The following POLR1D variants were observed in gnomAD, a reference collection of about 807,000 sequenced individuals.
The protein encoded by POLR1D is DNA-directed RNA polymerases I and III subunit RPAC2.
POLR1D carries 8 observed loss-of-function variants against 10.8 expected under a neutral mutation model. The observed-to-expected ratio is 0.74, with a 90% CI of 0.43 to 1.33. The LOEUF (loss-of-function observed/expected upper bound fraction) is 1.33, where lower values mean the gene tolerates loss of function less well. Among genes scored for constraint, POLR1D ranks in the 40% most tolerant of loss-of-function variants. The pLI is 0.01. For synonymous variants in POLR1D, 54 were observed against 57.2 expected (o/e 0.94, Z 0.25); for missense variants, 152 against 161.7 (o/e 0.94, Z 0.32).
At chr13:27,622,253 C>G in intron 1 of POLR1D, 1 of 588,756 alleles carries the variant, frequency 1.7e-6, no homozygotes, top group Non-Finnish European at 3.0e-6. Flanking sequence ...ACCCCCGTTA[C>G]AACAGCAGTG....
At position 27,648,573 on chromosome 13, in the gene POLR1D, C is replaced by T. The variant is rs74517509; in HGVS notation, c.101+120C>T. 1,423 of 662,390 alleles carry T rather than the reference C, an allele frequency of 2.1e-3. 17 individuals are homozygous for T. In the African/African-American group the frequency reaches 0.023, roughly 11 times the overall value. 41.0% of individuals were successfully genotyped at this position (662,390 alleles called of 1,614,324 possible). A position where few individuals can be genotyped will look rare whatever the true frequency, so the allele number is the denominator to read the frequency against. On this transcript the variant is annotated intron_variant, in intron 2 of 2. Coordinates refer to the POLR1D transcript ENST00000399697. ...AACCATGGAAGCAGAGGAAATCTCT[C>T]AGAGACAAGTGTAGAGTAAGACACT...
At chr13:27,665,615 C>T (rs1956407971) in intron 2 of POLR1D, 23 of 1,408,138 alleles carry the variant, frequency 1.6e-5, no homozygotes, top group Middle Eastern at 1.7e-4. Context: ...GTACTAATCA[C>T]GATAGTGGGT....
chr13:27,648,898 T>C (rs1028510028), intron 2 of POLR1D, among the ~76,000 whole-genome samples: 3 of 152,358 alleles, frequency 2.0e-5, no homozygotes, highest in South Asian at 4.1e-4. Flanking sequence ...AGATTACCTT[T>C]GCAGATTATG....
Position 27,623,405 on chromosome 13 carries a change from C to A in POLR1D, c.*155C>A. 6.8e-7 allele frequency: 1 copy of A among 1,463,254 alleles called. No individual in the cohort carries two copies. Among genetic ancestry groups the A allele is most frequent in the South Asian group, 1.3e-5 (1 of 74,920 alleles). 90.6% of individuals were successfully genotyped at this position (1,463,254 alleles called of 1,614,324 possible). A position where few individuals can be genotyped will look rare whatever the true frequency, so the allele number is the denominator to read the frequency against. On this transcript the variant is annotated 3_prime_UTR_variant, in exon 2 of 2. Coordinates refer to ENST00000302979, the MANE Select transcript of POLR1D (RefSeq NM_015972.4). ...CCCCTTGCAGCTGTTGGAATCTCTG[C>A]AAGAACCTCTGTATTCTTCTAATAA...
At chr13:27,625,863 A>C (rs1956003534), downstream of POLR1D, among the ~76,000 whole-genome samples, 1 of 152,184 alleles carries the variant, frequency 6.6e-6, no homozygotes, top group African/African-American at 2.4e-5. Flanking sequence ...CCTGGAGTTA[A>C]CGTGGAGGTC....
chr13:27,641,707 G>A lies in POLR1D; in HGVS notation c.27-6672G>A, dbSNP rs188044078. Among the ~76,000 whole-genome samples, 31 of 152,312 alleles carry A rather than the reference G, an allele frequency of 2.0e-4. No individual in the cohort carries two copies. The Middle Eastern group carries it at 0.01, about 50-fold the overall frequency. ...TGCCCCTCAGTGGGCCTATAAGAAA[G>A]GAGCAGTTACATCTATTGATGTGGA... is the stretch of plus-strand genomic sequence containing the variant. On this transcript the variant is annotated intron_variant, in intron 1 of 2. Coordinates refer to the POLR1D transcript ENST00000399697.
intron 2 of POLR1D, among the ~76,000 whole-genome samples, chr13:27,659,038 A>G (rs1387518322): frequency 6.6e-6 from 1 of 152,068 alleles, no homozygotes; most frequent in East Asian, 1.9e-4. Flanking sequence ...ACTTTTTTTT[A>G]TGCTTTTCTG....
intron 2 of POLR1D, among the ~76,000 whole-genome samples, chr13:27,664,244 G>T (rs749853436): frequency 6.6e-6 from 1 of 152,180 alleles, no homozygotes; most frequent in Non-Finnish European, 1.5e-5. Context: ...CGTAATGCTG[G>T]TGTACCTTTT....
chr13:27,651,066 T>C (rs1378619424), intron 2 of POLR1D: 2 of 152,206 alleles, frequency 1.3e-5, no homozygotes, highest in African/African-American at 4.8e-5. Flanking sequence ...TTAACCCTTA[T>C]ACCACAGAAA....
chr13:27,638,812 A>G (rs1356295493), intron 1 of POLR1D, among the ~76,000 whole-genome samples: 1 of 152,128 alleles, frequency 6.6e-6, no homozygotes, highest in Non-Finnish European at 1.5e-5. Context: ...TAAGAGAGTG[A>G]TTTACAGACA....
rs71083685 is a variant in POLR1D at position 27,652,911 on chromosome 13, CTTTTTTTTTTTT to C, written c.101+4473_101+4484del. On this transcript the variant is annotated intron_variant, in intron 2 of 2. Transcript: ENST00000399697. Reference sequence around the variant, plus strand: ...TTGCCAGAAGTTGCATTTACCATTTCTTTTTTTTTTTTTTTTTTTTTTTTTTGAGACGGAGTC... The same window carrying C: ...TTGCCAGAAGTTGCATTTACCATTTCTTTTTTTTTTTTTTGAGACGGAGTC... 9.0e-5 allele frequency among the ~76,000 whole-genome samples: 8 copies of C among 89,332 alleles called. No individual in the cohort carries two copies. In the South Asian group the frequency reaches 1.2e-3, roughly 13 times the overall value. The allele number at this position is 89,332 out of a possible 152,430, so 58.6% of individuals were successfully genotyped here. A position where few individuals can be genotyped will look rare whatever the true frequency, so the allele number is the denominator to read the frequency against.
intron 1 of POLR1D, among the ~76,000 whole-genome samples, chr13:27,645,793 A>T (rs565213667): frequency 6.6e-6 from 1 of 152,252 alleles, no homozygotes; most frequent in South Asian, 2.1e-4. Flanking sequence ...AGTCTTTCTC[A>T]TACATATATC....
In POLR1D at chr13:27,622,886, G is replaced by C; in HGVS notation, c.38G>C (p.Gly13Ala). ...AAATATGTGTGTAGAAAAATATCTG[G>C]ATTGAAGACCTCAATGGCTGAAGGC... is the stretch of plus-strand genomic sequence containing the variant. ...EDQELERKISGLKTSMAEGER... is the reference protein window; with the variant it reads ...EDQELERKISALKTSMAEGER... Residue 13 changes from glycine (G) to alanine (A), a missense_variant, in exon 2 of 2, where the codon GGA (glycine) becomes GCA (alanine). Physicochemically the swap from Gly to Ala is moderately conservative, Grantham distance 60. Transcript: ENST00000302979. 2 of 1,606,016 alleles carry C rather than the reference G, an allele frequency of 1.2e-6. No homozygotes were observed. The highest frequency in any genetic ancestry group is 1.7e-6 in the Non-Finnish European group (2 of 1,172,690).
At chr13:27,632,877 T>C (rs1230133663) in intron 1 of POLR1D, among the ~76,000 whole-genome samples, 3 of 152,134 alleles carry the variant, frequency 2.0e-5, no homozygotes, top group African/African-American at 4.8e-5. Flanking sequence ...GTTCAAAAAA[T>C]GTTTATCAAA....
intron 1 of POLR1D, among the ~76,000 whole-genome samples, chr13:27,645,776 C>T (rs1566148649): frequency 6.6e-6 from 1 of 152,198 alleles, no homozygotes; most frequent in South Asian, 2.1e-4. Context: ...TTTGTTTCAC[C>T]GCAGGCAGTC....
At chr13:27,627,794 AAGAC>A (rs1321731012), downstream of POLR1D, among the ~76,000 whole-genome samples, 1 of 140,272 alleles carries the variant, frequency 7.1e-6, no homozygotes, top group Non-Finnish European at 1.5e-5. Flanking sequence ...AGGAAACTGG[AAGAC>A]AGCAGTGAAC....
At chr13:27,633,599 C>A (rs548344585) in intron 1 of POLR1D, among the ~76,000 whole-genome samples, 1 of 152,312 alleles carries the variant, frequency 6.6e-6, no homozygotes, top group Admixed American at 6.5e-5. Flanking sequence ...AATTTGATGT[C>A]TGTTGTGCCA....
intron 2 of POLR1D, among the ~76,000 whole-genome samples, chr13:27,653,563 T>C (rs1014583335): frequency 4.6e-5 from 7 of 152,190 alleles, no homozygotes; most frequent in Non-Finnish European, 8.8e-5. Flanking sequence ...TCAATTGTCT[T>C]GGAACAGTGG....
intron 1 of POLR1D, among the ~76,000 whole-genome samples, chr13:27,646,411 C>G (rs921978158): frequency 4.6e-5 from 7 of 152,042 alleles, no homozygotes; most frequent in Admixed American, 2.6e-4. Flanking sequence ...TTCAGCAGGC[C>G]ATATCATTAT....
Sources: allele counts gnomAD v4.1 joint callset (sites outside exome capture counted in the v4.1 genomes callset), GRCh38; gene constraint gnomAD v4.1.1; transcripts MANE v1.5; gene names NCBI Gene and HGNC (gene_info 2026-07-23, HGNC 2026-07-21).